The following ZNF668 variants were observed in gnomAD, a reference collection of about 807,000 sequenced individuals.
ZNF668 encodes zinc finger protein 668.
ZNF668 carries 10 observed loss-of-function variants against 40.3 expected under a neutral mutation model. The ratio of observed to expected loss-of-function variants is 0.25; its 90% CI spans 0.15 to 0.42. The LOEUF (loss-of-function observed/expected upper bound fraction) is 0.42. ZNF668 is among the 10% of genes least tolerant of loss of function. ZNF668 has a pLI of 1.00. For synonymous variants in ZNF668, 428 were observed against 384.6 expected, an observed-to-expected ratio of 1.11 and a Z score of -1.32; for missense variants, 749 against 904.6, an observed-to-expected ratio of 0.83 and a Z score of 2.21.
At chr16:31,065,817 G>A (rs1449272540) in intron 1 of ZNF668, among the ~76,000 whole-genome samples, 2 of 150,478 alleles carry the variant, frequency 1.3e-5, no homozygotes, top group Non-Finnish European at 2.9e-5. Context: ...TCGTGCCACC[G>A]CACTCCAGCC....
At chr16:31,063,097 AAAAC>A (rs760405307) in intron 2 of ZNF668, among the ~76,000 whole-genome samples, 9 of 143,274 alleles carry the variant, frequency 6.3e-5, no homozygotes, top group South Asian at 2.7e-4. Flanking sequence ...TCCGTCTCAA[AAAAC>A]AAACAAACAA....
Position 31,064,304 on chromosome 16 carries a change from C to T in ZNF668, c.156G>A (p.Glu52=). The change falls in exon 2 of 3, where the codon GAG becomes GAA. Residue 52 remains glutamate, a synonymous_variant. Transcript: ENST00000300849. ...ATHGPADCSE[E]VAEVKPKPET... is the part of the protein sequence containing the mutation. ...CTGGCTTTGGCTTCACCTCGGCCAC[C>T]TCTTCAGAGCAGTCTGCCGGCCCAT... is the stretch of plus-strand genomic sequence containing the variant. The T allele has an allele frequency of 1.2e-6, 2 of 1,613,942 alleles. No individual in the cohort carries two copies. Among genetic ancestry groups the T allele is most frequent in the South Asian group, 1.1e-5 (1 of 91,088 alleles).
chr16:31,062,340 C>T (rs1006757303), intron 2 of ZNF668, 60 bp from the exon 3 acceptor site: 1 of 1,525,192 alleles, frequency 6.6e-7, no homozygotes, highest in Middle Eastern at 1.8e-4. Flanking sequence ...ACCCCACTGC[C>T]TGTCTGGGCT....
intron 1 of ZNF668, among the ~76,000 whole-genome samples, chr16:31,071,087 C>A (rs1316421949): frequency 6.6e-6 from 1 of 151,988 alleles, no homozygotes; most frequent in Non-Finnish European, 1.5e-5. Flanking sequence ...AACTCCTGAC[C>A]TCAGGTGATC....
In ZNF668 at chr16:31,062,225, G is replaced by A. The variant is rs1325853070; in HGVS notation, c.703C>T (p.Arg235Cys). The A allele has an allele frequency of 6.2e-7, 1 of 1,612,480 alleles. No homozygotes were observed. The highest frequency in any genetic ancestry group is 1.1e-5 in the South Asian group (1 of 90,964). The change falls in exon 3 of 3, where the codon CGC (arginine) becomes TGC (cysteine). Residue 235 changes from arginine (R) to cysteine (C), a missense_variant. Arg to Cys is a radical substitution (Grantham distance 180). This residue lies in a region of ZNF668 where 129 missense variants were observed against 231.2 expected (regional missense o/e 0.56). Coordinates refer to ENST00000300849, the MANE Select transcript of ZNF668 (RefSeq NM_024706.5). Reference sequence around the variant, plus strand: ...TGGTGGCACGTGAGCGAGGATGAGCGGGAGAAGCTCTTCCCGCACTCGGAG... The same window carrying A: ...TGGTGGCACGTGAGCGAGGATGAGCAGGAGAAGCTCTTCCCGCACTCGGAG... Reference protein sequence around the residue: ...LCSECGKSFSRSSSLTCHQRI... With the variant: ...LCSECGKSFSCSSSLTCHQRI...
chr16:31,062,383 G>A (rs2056938509), intron 2 of ZNF668, 103 bp from the exon 3 acceptor site: 1 of 1,456,160 alleles, frequency 6.9e-7, no homozygotes, highest in South Asian at 1.4e-5. Context: ...GTTCGTGGGG[G>A]CCTAGGCTTA....
chr16:31,064,810 C>CTTCA, intron 1 of ZNF668: 2 of 1,462,154 alleles, frequency 1.4e-6, no homozygotes, highest in Non-Finnish European at 1.8e-6. Flanking sequence ...CATCTTCCTT[C>CTTCA]TTCAGCTCAG....
Position 31,062,109 on chromosome 16 carries a change from C to G in ZNF668, c.819G>C (p.Thr273=). The G allele has an allele frequency of 6.2e-7, 1 of 1,613,710 alleles. No individual in the cohort carries two copies. Among genetic ancestry groups the G allele is most frequent in the Non-Finnish European group, 8.5e-7 (1 of 1,179,796 alleles). The change falls in exon 3 of 3, where the codon ACG becomes ACC. Residue 273 remains threonine (T), a synonymous_variant. Transcript: ENST00000300849. The part of the protein sequence containing the change: ...QLSSYQSHER[T]HSGEKPFLCP... ...ACAGGAAGGGCTTCTCCCCCGAGTG[C>G]GTGCGCTCGTGGCTCTGGTAGGAAC...
rs1458161022 is a variant in ZNF668 at position 31,064,649 on chromosome 16, T to C, written c.-22-168A>G. On this transcript the variant is annotated intron_variant, in intron 1 of 2. Coordinates refer to ENST00000300849, the MANE Select transcript of ZNF668 (RefSeq NM_024706.5). Reference sequence around the variant, plus strand: ...GTTCGTTTCCTCCCTGATCTGCTCATTGAAGAAAGGAGTTGGACCAAGTGT... The same window carrying C: ...GTTCGTTTCCTCCCTGATCTGCTCACTGAAGAAAGGAGTTGGACCAAGTGT... The C allele has an allele frequency of 3.3e-6, 5 of 1,536,354 alleles. No individual in the cohort carries two copies. The East Asian group carries it at 7.3e-5, about 23-fold the overall frequency.
At chr16:31,065,178 G>T in intron 1 of ZNF668, 2 of 978,462 alleles carry the variant, frequency 2.0e-6, no homozygotes, top group Non-Finnish European at 1.2e-6. Context: ...ATTGCTAGCA[G>T]CTGGAAGCCT....
intron 1 of ZNF668, chr16:31,069,268 TACACAC>T (rs55722354): frequency 0.35 from 50,187 of 141,612 alleles, 9,422 homozygotes; most frequent in East Asian, 0.8. Context: ...CTACTAAAAA[TACACAC>T]ACACACACAC....
At chr16:31,068,266 A>ATATATGT (rs1348939812) in intron 1 of ZNF668, among the ~76,000 whole-genome samples, 3 of 125,222 alleles carry the variant, frequency 2.4e-5, no homozygotes, top group Non-Finnish European at 3.3e-5. Flanking sequence ...ATATATATAT[A>ATATATGT]ATTTTTGAGA....
chr16:31,063,289 C>T (rs946684066), intron 2 of ZNF668, among the ~76,000 whole-genome samples: 1 of 152,054 alleles, frequency 6.6e-6, no homozygotes, highest in South Asian at 2.1e-4. Context: ...TACATCCCCA[C>T]GCTCGGGTAA....
At chr16:31,063,511 C>CT (rs1225545414) in intron 2 of ZNF668, among the ~76,000 whole-genome samples, 1 of 152,160 alleles carries the variant, frequency 6.6e-6, no homozygotes, top group Admixed American at 6.5e-5. Flanking sequence ...CTCACACCTC[C>CT]TGGTCTCCAC....
At chr16:31,065,961 G>A (rs1315832337) in intron 1 of ZNF668, 68 of 949,498 alleles carry the variant, frequency 7.2e-5, no homozygotes, top group Non-Finnish European at 1.6e-5. Context: ...GCTGAGCCAC[G>A]AGGGTGCTAG....
intron 1 of ZNF668, among the ~76,000 whole-genome samples, chr16:31,072,364 A>G (rs751534199): frequency 9.8e-5 from 15 of 152,298 alleles, no homozygotes; most frequent in Middle Eastern, 3.4e-3. Context: ...ATGTCCACCA[A>G]TAACTGTTTA....
rs771323287 is a variant in ZNF668, at chr16:31,061,321, C to T, written c.1607G>A (p.Arg536His). Residue 536 changes from arginine (R) to histidine (H), a missense_variant, in exon 3 of 3, where the codon CGC becomes CAC. Physicochemically the swap from Arg to His is conservative, Grantham distance 29. Coordinates refer to ENST00000300849, the MANE Select transcript of ZNF668 (RefSeq NM_024706.5). This position sits in a 1 kb window ranked among gnomAD's most constrained non-coding sequence, Gnocchi z 7.7. Reference protein sequence around the residue: ...STMTLLRRHERSHPELRPFPC... With the variant: ...STMTLLRRHEHSHPELRPFPC... ...GAAGGGCCGGAGCTCCGGGTGTGAG[C>T]GCTCGTGCCGACGCAGCAGCGTCAT... 6.3e-7 allele frequency: 1 copy of T among 1,592,900 alleles called. No individual in the cohort carries two copies.
At chr16:31,069,680 G>A (rs565235359) in intron 1 of ZNF668, among the ~76,000 whole-genome samples, 44 of 151,196 alleles carry the variant, frequency 2.9e-4, no homozygotes, top group African/African-American at 9.7e-4. Flanking sequence ...ATTATTTTTT[G>A]ACGGAATCTC....
Position 31,064,071 on chromosome 16 carries a change from TGCACGC to T in ZNF668, c.383_388del (p.Arg128_Val129del), listed in dbSNP as rs1490218719. The T allele has an allele frequency of 2.5e-6, 4 of 1,604,712 alleles. No homozygotes were observed. The highest frequency in any genetic ancestry group is 3.4e-6 in the Non-Finnish European group (4 of 1,175,322). On this transcript the variant is annotated inframe_deletion, in exon 2 of 3. Transcript: ENST00000300849. The stretch of plus-strand genomic sequence containing the variant: ...CAGTTCGCCAGCGTGCGAGGCCAGG[TGCACGC>T]GCAGGCACACGGGCTGCATGAAGCG...
Sources: allele counts gnomAD v4.1 joint callset (sites outside exome capture counted in the v4.1 genomes callset), GRCh38; gene constraint gnomAD v4.1.1; regional missense constraint gnomAD v4.1.1; non-coding constraint Gnocchi (gnomAD v3.1); transcripts MANE v1.5; gene names NCBI Gene and HGNC (gene_info 2026-07-23, HGNC 2026-07-21).